Variants in THSD7A observed in about 807,000 individuals in gnomAD.
The protein encoded by THSD7A is thrombospondin type-1 domain-containing protein 7A.
A neutral mutation model predicts 231.3 loss-of-function variants in THSD7A; 96 were observed. That is an observed-to-expected ratio of 0.41 (90% CI 0.35 to 0.49). THSD7A has a LOEUF of 0.49. Among genes scored for constraint, THSD7A ranks in the 20% least tolerant of loss-of-function variants. The pLI, the probability that THSD7A is intolerant of heterozygous loss-of-function variation, is 0.05. For synonymous variants in THSD7A, 940 were observed against 743.3 expected (o/e 1.26, Z -4.30); for missense variants, 2,290 against 2,070.2 (o/e 1.11, Z -2.06).
At chr7:11,645,974 C>T (rs919791142) in intron 1 of THSD7A, among the ~76,000 whole-genome samples, 2 of 151,802 alleles carry the variant, frequency 1.3e-5, no homozygotes, top group East Asian at 1.9e-4. Flanking sequence ...GTTTATGGTG[C>T]TATAATGAAA....
intron 1 of THSD7A, among the ~76,000 whole-genome samples, chr7:11,772,141 GCAAATTCAAAC>G: frequency 6.6e-6 from 1 of 152,124 alleles, no homozygotes; most frequent in African/African-American, 2.4e-5. Flanking sequence ...TTAGAGAAAT[GCAAATTCAAAC>G]CACAATGAGA....
At chr7:11,800,973 T>C (rs1412787760) in intron 1 of THSD7A, among the ~76,000 whole-genome samples, 1 of 152,032 alleles carries the variant, frequency 6.6e-6, no homozygotes, top group African/African-American at 2.4e-5. Flanking sequence ...AAAGTGATGG[T>C]ATCAAGGGTA....
chr7:11,525,066 C>T (rs1788416502), intron 6 of THSD7A, among the ~76,000 whole-genome samples: 1 of 152,178 alleles, frequency 6.6e-6, no homozygotes, highest in Admixed American at 6.6e-5. Context: ...ATTAACCTTT[C>T]TATTGACCAA....
rs148009999 is a variant in THSD7A at position 11,764,099 on chromosome 7, A to G, written c.190+67658T>C. 7.8e-3 allele frequency among the ~76,000 whole-genome samples: 1,191 copies of G among 152,290 alleles called. 10 individuals are homozygous for G. Among genetic ancestry groups the G allele is most frequent in the African/African-American group, 0.027 (1,105 of 41,558 alleles). On this transcript the variant is annotated intron_variant, in intron 1 of 27. Transcript: ENST00000423059. Reference sequence around the variant, plus strand: ...TGCAAATCTTCATAATTACCAATGTATTGTTCTAAGAAACCAAATTTTATA... The same window carrying G: ...TGCAAATCTTCATAATTACCAATGTGTTGTTCTAAGAAACCAAATTTTATA...
chr7:11,405,897 T>C (rs2115368144), intron 22 of THSD7A, among the ~76,000 whole-genome samples: 1 of 152,350 alleles, frequency 6.6e-6, no homozygotes, highest in Non-Finnish European at 1.5e-5. Context: ...GCTGTTATTA[T>C]GAGGACTTAA....
rs541175279 is a variant in THSD7A, at chr7:11,753,482, G to A, written c.190+78275C>T. 4.3e-4 allele frequency among the ~76,000 whole-genome samples: 65 copies of A among 151,848 alleles called. 1 individual carries two copies. Among genetic ancestry groups the A allele is most frequent in the Non-Finnish European group, 4.9e-4 (33 of 67,922 alleles). Reference sequence around the variant, plus strand: ...AAAATTTGCTATAGCTTAAACTTAGGGGGTGGAAAGTCAAACTGTCTTCCC... The same window carrying A: ...AAAATTTGCTATAGCTTAAACTTAGAGGGTGGAAAGTCAAACTGTCTTCCC... On this transcript the variant is annotated intron_variant, in intron 1 of 27. Transcript: ENST00000423059.
chr7:11,775,493 C>A (rs569873014), intron 1 of THSD7A, among the ~76,000 whole-genome samples: 1 of 152,088 alleles, frequency 6.6e-6, no homozygotes, highest in African/African-American at 2.4e-5. Flanking sequence ...TATGTACATA[C>A]AATGAAAAAT....
chr7:11,379,358 G>C (rs972020956), intron 25 of THSD7A, 78 bp from the exon 26 acceptor site: 2 of 1,418,764 alleles, frequency 1.4e-6, no homozygotes, highest in Non-Finnish European at 2.0e-6. Flanking sequence ...TGAAGAGAAG[G>C]CTTTAAACAA....
At chr7:11,780,634 G>T (rs187649165) in intron 1 of THSD7A, among the ~76,000 whole-genome samples, 1 of 152,070 alleles carries the variant, frequency 6.6e-6, no homozygotes, top group Non-Finnish European at 1.5e-5. Context: ...CTGCATCCTC[G>T]TGAAAAACTG....
chr7:11,658,970 T>A (rs1310749119), intron 1 of THSD7A, among the ~76,000 whole-genome samples: 1 of 151,734 alleles, frequency 6.6e-6, no homozygotes, highest in Non-Finnish European at 1.5e-5. Flanking sequence ...ACTGTGGGTA[T>A]ATTTCTTTGA....
chr7:11,607,845 C>T (rs1443421167), intron 2 of THSD7A, among the ~76,000 whole-genome samples: 1 of 152,080 alleles, frequency 6.6e-6, no homozygotes, highest in African/African-American at 2.4e-5. Context: ...TGCTGGGGAA[C>T]ATTGCCAAAC....
rs1325252757 is a variant in THSD7A at position 11,831,260 on chromosome 7, T to G, written c.190+497A>C. Among the ~76,000 whole-genome samples the G allele has an allele frequency of 1.3e-5, 2 of 152,206 alleles. No homozygotes were observed. The highest frequency in any genetic ancestry group is 2.9e-5 in the Non-Finnish European group (2 of 68,028). On this transcript the variant is annotated intron_variant, in intron 1 of 27. Transcript: ENST00000423059. The surrounding 1 kb of genome is among the most constrained non-coding windows in gnomAD (Gnocchi z 5.0). ...CCCTGAAGGCTCACTGGAGCCCCATTTGCCTTTAATTGTTGGAACCGCCCT... is the reference window on the plus strand; with the variant it reads ...CCCTGAAGGCTCACTGGAGCCCCATGTGCCTTTAATTGTTGGAACCGCCCT...
intron 6 of THSD7A, among the ~76,000 whole-genome samples, chr7:11,494,119 T>C (rs969439828): frequency 9.2e-5 from 14 of 151,964 alleles, no homozygotes; most frequent in African/African-American, 3.4e-4. Flanking sequence ...GCTACAGATA[T>C]TATATACAAT....
At chr7:11,524,357 C>A (rs1788387318) in intron 6 of THSD7A, among the ~76,000 whole-genome samples, 1 of 152,108 alleles carries the variant, frequency 6.6e-6, no homozygotes, top group African/African-American at 2.4e-5. Context: ...ATTGCTAGTA[C>A]AACAGAGCTT....
At chr7:11,605,095 G>C (rs1780690908) in intron 2 of THSD7A, among the ~76,000 whole-genome samples, 1 of 151,958 alleles carries the variant, frequency 6.6e-6, no homozygotes, top group African/African-American at 2.4e-5. Flanking sequence ...AACCTGAACT[G>C]TCACCTGTAA....
chr7:11,397,187 A>T (rs1252863612), intron 23 of THSD7A, among the ~76,000 whole-genome samples: 2 of 152,096 alleles, frequency 1.3e-5, no homozygotes, highest in East Asian at 3.8e-4. Flanking sequence ...ACAGTAACCA[A>T]AACAGCACGG....
chr7:11,585,306 A>G (rs1462028579), intron 4 of THSD7A, among the ~76,000 whole-genome samples: 2 of 152,144 alleles, frequency 1.3e-5, no homozygotes, highest in East Asian at 1.9e-4. Context: ...GAGTAATTTC[A>G]TAGGGTAAAA....
intron 1 of THSD7A, among the ~76,000 whole-genome samples, chr7:11,661,099 A>G (rs1208027888): frequency 2.0e-5 from 3 of 151,320 alleles, no homozygotes; most frequent in Non-Finnish European, 4.4e-5. Flanking sequence ...TTGTTTCAGG[A>G]AGAAGTAACC....
At chr7:11,606,585 T>C (rs1780741754) in intron 2 of THSD7A, among the ~76,000 whole-genome samples, 2 of 152,184 alleles carry the variant, frequency 1.3e-5, no homozygotes, top group Admixed American at 1.3e-4. Flanking sequence ...AGAATGTCTC[T>C]AATAAGCACT....
Sources: gnomAD v4.1 joint callset for allele counts (sites outside exome capture counted in the v4.1 genomes callset) on GRCh38, gnomAD v4.1.1 for gene constraint, Gnocchi (gnomAD v3.1) non-coding constraint, MANE v1.5 for transcripts, NCBI Gene and HGNC (gene_info 2026-07-23, HGNC 2026-07-21) for gene names.